Variants in DNAAF1 observed in about 807,000 individuals in gnomAD.
DNAAF1 encodes the protein dynein axonemal assembly factor 1, also known as dynein assembly factor 1, axonemal.
A neutral mutation model predicts 71.1 loss-of-function variants in DNAAF1; 65 were observed. That is an observed-to-expected ratio of 0.91 (90% CI 0.75 to 1.12). DNAAF1 has a LOEUF of 1.12. Ranked by LOEUF, DNAAF1 falls within the 50% of genes most tolerant of loss-of-function variation. The probability of loss-of-function intolerance (pLI) is 0.00; values close to 1 mark genes in which losing one functional copy is unlikely to be tolerated. For missense variants in DNAAF1, 1,178 were observed against 899.8 expected (o/e 1.31, Z -3.96); for synonymous variants, 414 against 354.6 (o/e 1.17, Z -1.88).
In DNAAF1 at chr16:84,160,227, T is replaced by C. The variant is rs138130849; in HGVS notation, c.863+431T>C. Among the ~76,000 whole-genome samples, 524 of 152,354 alleles carry C rather than the reference T, an allele frequency of 3.4e-3. 4 individuals are homozygous for C. Among genetic ancestry groups the C allele is most frequent in the African/African-American group, 0.012 (496 of 41,576 alleles). ...GGGTGAAGATCGTACCCCATTGTTT[T>C]AAATTGCCATTTTTGGATAATTGAT... On this transcript the variant is annotated intron_variant, in intron 6 of 11. Coordinates refer to ENST00000378553, the MANE Select transcript of DNAAF1 (RefSeq NM_178452.6).
At chr16:84,171,573 G>A (rs2088348285) in intron 8 of DNAAF1, among the ~76,000 whole-genome samples, 1 of 152,230 alleles carries the variant, frequency 6.6e-6, no homozygotes, top group South Asian at 2.1e-4. Context: ...CTCTGACCCT[G>A]GTGCAGCAGG....
intron 6 of DNAAF1, 117 bp downstream of exon 6, chr16:84,159,913 G>T: frequency 1.6e-6 from 2 of 1,245,838 alleles, no homozygotes; most frequent in Non-Finnish European, 2.3e-6. Flanking sequence ...AATGTTCTTT[G>T]GAAATAGGCT....
chr16:84,156,591 C>G (rs538267363), intron 5 of DNAAF1, among the ~76,000 whole-genome samples: 1 of 152,144 alleles, frequency 6.6e-6, no homozygotes, highest in Non-Finnish European at 1.5e-5. Context: ...CAGTCCTTCT[C>G]CCAGTTATTT....
intron 8 of DNAAF1, 70 bp from the exon 9 acceptor site, chr16:84,172,190 C>A: frequency 6.8e-7 from 1 of 1,473,476 alleles, no homozygotes; most frequent in Non-Finnish European, 9.4e-7. Flanking sequence ...GGGAGCCCAT[C>A]TTCACCGTAG....
rs534644223 is a variant in DNAAF1 at position 84,150,896 on chromosome 16, G to A, written c.352+554G>A. Among the ~76,000 whole-genome samples the A allele has an allele frequency of 6.2e-4, 94 of 152,260 alleles. 2 individuals carry two copies. Among genetic ancestry groups the A allele is most frequent in the African/African-American group, 2.1e-3 (86 of 41,548 alleles). ...CCCAAAGTACTGGGCTTACAAGTGT[G>A]AGCCACTGCACCCAGCCAGGACTTT... On this transcript the variant is annotated intron_variant, in intron 3 of 11. Transcript: ENST00000378553.
At position 84,162,413 on chromosome 16, in the gene DNAAF1, A is replaced by T. The variant is rs1414721287; in HGVS notation, c.863+2617A>T. Among the ~76,000 whole-genome samples the T allele has an allele frequency of 2.0e-5, 3 of 152,028 alleles. 1 individual carries two copies. Among genetic ancestry groups the T allele is most frequent in the South Asian group, 4.1e-4 (2 of 4,832 alleles). On this transcript the variant is annotated intron_variant, in intron 6 of 11. Transcript: ENST00000378553. The stretch of plus-strand genomic sequence containing the variant: ...AGGTCAGGAGACTCCCTCTCAAAAA[A>T]AAATAAATAAATAAAAATAAAAAAC...
intron 6 of DNAAF1, 78 bp downstream of exon 6, chr16:84,159,874 C>T (rs779210764): frequency 1.5e-5 from 23 of 1,552,798 alleles, no homozygotes; most frequent in Non-Finnish European, 1.9e-5. Context: ...TTTTAAATTT[C>T]TGATTCTTGA....
At chr16:84,171,622 GCTGTGAAGCCTGCCCCTCCGT>G (rs2088351729) in intron 8 of DNAAF1, among the ~76,000 whole-genome samples, 1 of 152,178 alleles carries the variant, frequency 6.6e-6, no homozygotes, top group African/African-American at 2.4e-5. Context: ...CTGGCGGTGG[GCTGTGAAGCCTGCCCCTCCGT>G]CTCTGAGCGA....
At position 84,176,110 on chromosome 16, in the gene DNAAF1, A is replaced by T. The variant is rs1489377964; in HGVS notation, c.1876A>T (p.Lys626Ter). Residue 626 changes from lysine (K) to a stop codon, truncating the protein, a stop_gained, in exon 11 of 12, where the codon AAA (lysine) becomes TAA (stop). Transcript: ENST00000378553. LOFTEE classifies it high-confidence loss of function. ...AARVPFTDIF[K>*]KEAKRDLEIR... ...TCGGGTGCCCTTCACAGACATCTTT[A>T]AAAAAGAAGCTAAGAGGGACTTGGA... is the stretch of plus-strand genomic sequence containing the variant. The T allele has an allele frequency of 1.4e-5, 23 of 1,613,956 alleles. No homozygotes were observed. The highest frequency in any genetic ancestry group is 1.6e-4 in the Middle Eastern group (1 of 6,062).
chr16:84,151,355 G>A (rs1254248958), intron 3 of DNAAF1, among the ~76,000 whole-genome samples: 2 of 152,068 alleles, frequency 1.3e-5, no homozygotes, highest in Non-Finnish European at 2.9e-5. Context: ...AGGGATCCAG[G>A]AGCACAAATG....
At chr16:84,177,476 C>A in intron 11 of DNAAF1, 2 of 416,412 alleles carry the variant, frequency 4.8e-6, no homozygotes, top group Non-Finnish European at 9.2e-6. Flanking sequence ...TTATAGGGGC[C>A]TGCCACCACG....
chr16:84,164,075 G>C (rs950800519), intron 6 of DNAAF1, among the ~76,000 whole-genome samples: 1 of 152,172 alleles, frequency 6.6e-6, no homozygotes, highest in Non-Finnish European at 1.5e-5. Flanking sequence ...AGAGTGCTGA[G>C]ATTACAGGCA....
intron 6 of DNAAF1, among the ~76,000 whole-genome samples, chr16:84,163,082 A>G (rs2087791389): frequency 6.6e-6 from 1 of 152,168 alleles, no homozygotes; most frequent in African/African-American, 2.4e-5. Context: ...ATTTTGATAC[A>G]CTACATTGTA....
Position 84,169,077 on chromosome 16 carries a change from CTTTTTTTTTTT to C in DNAAF1, c.1031-764_1031-754del, listed in dbSNP as rs567267370. On this transcript the variant is annotated intron_variant, in intron 7 of 11. Transcript: ENST00000378553. ...CACTAATGAACATCCCTCAAGGATA[CTTTTTTTTTTT>C]TTTTTTTTTTTTTTTTTAGAGAGTC... Among the ~76,000 whole-genome samples, 384 of 71,212 alleles carry C rather than the reference CTTTTTTTTTTT, an allele frequency of 5.4e-3. 5 individuals carry two copies. The highest frequency in any genetic ancestry group is 0.02 in the African/African-American group (349 of 17,218). The allele number at this position is 71,212 out of a possible 152,430, so 46.7% of individuals were successfully genotyped here.
chr16:84,148,935 C>G (rs1597397502), intron 1 of DNAAF1, 72 bp from the exon 2 acceptor site: 8 of 1,570,526 alleles, frequency 5.1e-6, no homozygotes, highest in Admixed American at 1.7e-5. Context: ...TGGTCATTAA[C>G]CAAGCTGAAG....
rs773003224 is a variant in DNAAF1 at position 84,154,807 on chromosome 16, A to G, written c.574+9A>G. 3.7e-6 allele frequency: 6 copies of G among 1,606,620 alleles called. No individual in the cohort carries two copies. Among genetic ancestry groups the G allele is most frequent in the African/African-American group, 1.3e-5 (1 of 74,764 alleles). ...GACCATTGAAAACCTCTGTAAGGGT[A>G]CCCAGCAAGCAGTGTGTCTGTTTGC... On this transcript the variant is annotated intron_variant, in intron 4 of 11. Transcript: ENST00000378553.
intron 1 of DNAAF1, among the ~76,000 whole-genome samples, chr16:84,146,833 T>A (rs2086936680): frequency 6.6e-6 from 1 of 152,140 alleles, no homozygotes. Flanking sequence ...AGTGATTACA[T>A]TAAAAAACCA....
In DNAAF1 at chr16:84,175,950, G is replaced by C. The variant is rs760161594; in HGVS notation, c.1716G>C (p.Lys572Asn). 2 of 1,614,050 alleles carry C rather than the reference G, an allele frequency of 1.2e-6. No homozygotes were observed. Among genetic ancestry groups the C allele is most frequent in the African/African-American group, 2.7e-5 (2 of 74,924 alleles). The change falls in exon 11 of 12, where the codon AAG becomes AAC. Residue 572 changes from lysine to asparagine, a missense_variant. By Grantham distance (94) the Lys-to-Asn change is moderately conservative. Transcript: ENST00000378553. ...SLEDQNMCFP[K>N]IEVISSLSDD... Reference sequence around the variant, plus strand: ...GTAAATAGAATATGTGCTTTCCGAAGATTGAGGTCATCTCGAGCTTGAGTG... The same window carrying C: ...GTAAATAGAATATGTGCTTTCCGAACATTGAGGTCATCTCGAGCTTGAGTG...
chr16:84,150,464 G>C (rs894587358), intron 3 of DNAAF1, 122 bp downstream of exon 3: 2 of 787,794 alleles, frequency 2.5e-6, no homozygotes, highest in Admixed American at 4.2e-5. Context: ...AAATTTCAAA[G>C]TTTAGTGGAG....
Sources: gnomAD v4.1 joint callset for allele counts (sites outside exome capture counted in the v4.1 genomes callset) on GRCh38, gnomAD v4.1.1 for gene constraint, MANE v1.5 for transcripts, NCBI Gene and HGNC (gene_info 2026-07-23, HGNC 2026-07-21) for gene names.